FBXO31: variants seen among roughly 807,000 people sequenced by gnomAD.
FBXO31 encodes the protein F-box only protein 31.
Under a neutral mutation model 54.4 loss-of-function variants are expected in FBXO31, and 24 were observed. The ratio of observed to expected loss-of-function variants is 0.44; its 90% CI spans 0.32 to 0.62. The LOEUF (loss-of-function observed/expected upper bound fraction) is 0.62. FBXO31 is among the 20% of genes least tolerant of loss of function. The pLI, the probability that FBXO31 is intolerant of heterozygous loss-of-function variation, is 0.05. For synonymous variants in FBXO31, 388 were observed against 335.6 expected (o/e 1.16, Z -1.71); for missense variants, 665 against 787.1 (o/e 0.84, Z 1.86).
rs973748310 is a variant in FBXO31, at chr16:87,346,175, G to T, written c.489+999C>A. Among the ~76,000 whole-genome samples the T allele has an allele frequency of 5.3e-5, 8 of 152,184 alleles. No homozygotes were observed. Among genetic ancestry groups the T allele is most frequent in the African/African-American group, 1.7e-4 (7 of 41,450 alleles). On this transcript the variant is annotated intron_variant, in intron 3 of 8. Transcript: ENST00000311635. This position sits in a 1 kb window ranked among gnomAD's most constrained non-coding sequence, Gnocchi z 4.2. ...AGGAGAGAGACCCGGAATGAGAACG[G>T]GACGCTTCCCCAAGCCTGAGACGCG... is the stretch of plus-strand genomic sequence containing the variant.
At position 87,327,093 on chromosome 16, in the gene FBXO31, G is replaced by A. The variant is rs1409604958; in HGVS notation, c.*4195C>T. On this transcript the variant is annotated 3_prime_UTR_variant, in exon 9 of 9. Coordinates refer to ENST00000311635, the MANE Select transcript of FBXO31 (RefSeq NM_024735.5). ...GTCCTACCTAGTGGGTGCCTACCCA[G>A]GCAGGGCACAGCTCCTGCTGCAAGG... is the stretch of plus-strand genomic sequence containing the variant. The A allele has an allele frequency of 6.6e-6, 1 of 152,376 alleles. No homozygotes were observed. The highest frequency in any genetic ancestry group is 6.5e-5 in the Admixed American group (1 of 15,286). 9.4% of individuals were successfully genotyped at this position (152,376 alleles called of 1,614,324 possible). A position where few individuals can be genotyped will look rare whatever the true frequency, so the allele number is the denominator to read the frequency against.
rs1396468550 is a variant in FBXO31, at chr16:87,330,057, G to A, written c.*1231C>T. 6.6e-6 allele frequency: 1 copy of A among 152,430 alleles called. No homozygotes were observed. Among genetic ancestry groups the A allele is most frequent in the Non-Finnish European group, 1.5e-5 (1 of 68,170 alleles). The allele number at this position is 152,430 out of a possible 1,614,324, so 9.4% of individuals were successfully genotyped here. A position where few individuals can be genotyped will look rare whatever the true frequency, so the allele number is the denominator to read the frequency against. ...GACACAAGGACAAGCGGCAGAGAGG[G>A]AAGGCTCGCTGGGGACGCCCACTCG... On this transcript the variant is annotated 3_prime_UTR_variant, in exon 9 of 9. Coordinates refer to ENST00000311635, the MANE Select transcript of FBXO31 (RefSeq NM_024735.5).
chr16:87,331,222 T>G lies in FBXO31; in HGVS notation c.*66A>C, dbSNP rs1450709813. 1.3e-6 allele frequency: 2 copies of G among 1,515,764 alleles called. No individual in the cohort carries two copies. Among genetic ancestry groups the G allele is most frequent in the East Asian group, 4.6e-5 (2 of 43,858 alleles). The allele number at this position is 1,515,764 out of a possible 1,614,324, so 93.9% of individuals were successfully genotyped here. A position where few individuals can be genotyped will look rare whatever the true frequency, so the allele number is the denominator to read the frequency against. ...CCGGATTTCCAAAGTGCATGCTGCT[T>G]CTATTCACAGGTCAGAGTTCAGAGC... On this transcript the variant is annotated 3_prime_UTR_variant, in exon 9 of 9. Coordinates refer to ENST00000311635, the MANE Select transcript of FBXO31 (RefSeq NM_024735.5).
At chr16:87,373,611 C>T (rs552022422) in intron 1 of FBXO31, among the ~76,000 whole-genome samples, 1 of 152,020 alleles carries the variant, frequency 6.6e-6, no homozygotes, top group East Asian at 1.9e-4. Context: ...TCACTGCAGC[C>T]TTGAACTCCT....
In FBXO31 at chr16:87,358,987, C is replaced by T. The variant is rs1478044863; in HGVS notation, c.412+1308G>A. Among the ~76,000 whole-genome samples the T allele has an allele frequency of 6.6e-6, 1 of 152,188 alleles. No individual in the cohort carries two copies. The highest frequency in any genetic ancestry group is 2.4e-5 in the African/African-American group (1 of 41,458). The stretch of plus-strand genomic sequence containing the variant: ...TCCAAGGTTGCCCAACTACACCACC[C>T]GTTTCTGGAGCTAAGGCTGATTTTC... On this transcript the variant is annotated intron_variant, in intron 2 of 8. Transcript: ENST00000311635. The surrounding 1 kb of genome is among the most constrained non-coding windows in gnomAD (Gnocchi z 4.0).
upstream of FBXO31, among the ~76,000 whole-genome samples, chr16:87,387,749 G>A (rs1330125577): frequency 1.3e-5 from 2 of 152,218 alleles, no homozygotes; most frequent in Non-Finnish European, 2.9e-5. Context: ...GGAGCTTGCA[G>A]TGAGCCGAGA....
upstream of FBXO31, among the ~76,000 whole-genome samples, chr16:87,388,049 G>A (rs1370027440): frequency 1.3e-5 from 2 of 152,214 alleles, no homozygotes; most frequent in Admixed American, 1.3e-4. Context: ...AAACACAGCA[G>A]TCCTACAGAA....
intron 3 of FBXO31, among the ~76,000 whole-genome samples, chr16:87,344,331 G>A (rs557036606): frequency 1.4e-4 from 21 of 152,370 alleles, no homozygotes; most frequent in South Asian, 4.1e-4. Context: ...CGGGAGGGGC[G>A]CTCAGGAGCG....
At chr16:87,374,507 G>A (rs1906739561) in intron 1 of FBXO31, among the ~76,000 whole-genome samples, 2 of 152,202 alleles carry the variant, frequency 1.3e-5, no homozygotes, top group South Asian at 2.1e-4. Flanking sequence ...CTGAATGTGT[G>A]TCACTCTCAT....
At chr16:87,378,984 T>G in intron 1 of FBXO31, among the ~76,000 whole-genome samples, 1 of 150,192 alleles carries the variant, frequency 6.7e-6, no homozygotes, top group East Asian at 2.0e-4. Context: ...AAACAAAATA[T>G]ATAGATATAG....
intron 2 of FBXO31, among the ~76,000 whole-genome samples, chr16:87,354,715 C>T (rs886197430): frequency 7.9e-5 from 12 of 152,228 alleles, no homozygotes; most frequent in Admixed American, 6.5e-4. Flanking sequence ...CACCTGTAAT[C>T]CCAGCACTTT....
At chr16:87,390,106 C>A (rs1907471142), upstream of FBXO31, among the ~76,000 whole-genome samples, 1 of 152,150 alleles carries the variant, frequency 6.6e-6, no homozygotes, top group Non-Finnish European at 1.5e-5. Context: ...CATGGTGACA[C>A]CCTCTCTCTA....
upstream of FBXO31, chr16:87,391,872 G>C (rs1463162189): frequency 6.6e-6 from 1 of 152,474 alleles, no homozygotes; most frequent in Non-Finnish European, 1.5e-5. Context: ...GGGTGCCGGC[G>C]TCTCGGGCAG....
chr16:87,354,548 G>A (rs903475190), intron 2 of FBXO31, among the ~76,000 whole-genome samples: 1 of 151,928 alleles, frequency 6.6e-6, no homozygotes, highest in Non-Finnish European at 1.5e-5. Flanking sequence ...CTGCTGTCAG[G>A]ACAACAGGCT....
At chr16:87,341,896 C>T (rs987268387) in intron 5 of FBXO31, among the ~76,000 whole-genome samples, 1 of 152,062 alleles carries the variant, frequency 6.6e-6, no homozygotes, top group Non-Finnish European at 1.5e-5. Context: ...GGGGAAACCA[C>T]CACAACTCAA....
rs1481768587 is a variant in FBXO31, at chr16:87,383,727, G to A, written c.18C>T (p.Arg6=). ...CGCGCGACGGGCCCACGCCGCAAAG[G>A]CGAGCACACACCGCCATGCCGCCCA... MAVCA[R]LCGVGPSRGC... is the part of the protein sequence containing the mutation. Residue 6 remains arginine (R), a synonymous_variant, in exon 1 of 9, where the codon CGC becomes CGT. Coordinates refer to ENST00000311635, the MANE Select transcript of FBXO31 (RefSeq NM_024735.5). The surrounding 1 kb of genome is among the most constrained non-coding windows in gnomAD (Gnocchi z 4.9). 6 of 1,233,448 alleles carry A rather than the reference G, an allele frequency of 4.9e-6. No individual in the cohort carries two copies. The highest frequency in any genetic ancestry group is 6.0e-6 in the Non-Finnish European group (6 of 992,188). The allele number at this position is 1,233,448 out of a possible 1,614,324, so 76.4% of individuals were successfully genotyped here. A position where few individuals can be genotyped will look rare whatever the true frequency, so the allele number is the denominator to read the frequency against.
rs1905339117 is a variant in FBXO31, at chr16:87,345,337, A to AGGGT, written c.490-1576_490-1573dup. Among the ~76,000 whole-genome samples the AGGGT allele has an allele frequency of 1.8e-4, 1 of 5,428 alleles. No individual in the cohort carries two copies. Among genetic ancestry groups the AGGGT allele is most frequent in the Non-Finnish European group, 3.5e-4 (1 of 2,818 alleles). The allele number at this position is 5,428 out of a possible 152,430, so 3.6% of individuals were successfully genotyped here. A position where few individuals can be genotyped will look rare whatever the true frequency, so the allele number is the denominator to read the frequency against. ...GGAGGGTGCGGGGAGGGCGGGAGGC[A>AGGGT]GGGTGGGAGGGAGGGAGGGGAAGAG... is the stretch of plus-strand genomic sequence containing the variant. On this transcript the variant is annotated intron_variant, in intron 3 of 8. Transcript: ENST00000311635. The surrounding 1 kb of genome is among the most constrained non-coding windows in gnomAD (Gnocchi z 4.9).
At chr16:87,348,716 G>A (rs1905508534) in intron 2 of FBXO31, among the ~76,000 whole-genome samples, 1 of 152,184 alleles carries the variant, frequency 6.6e-6, no homozygotes, top group Admixed American at 6.5e-5. Context: ...GACAGAAAGT[G>A]CTGGGAGCCA....
chr16:87,329,114 C>T lies in FBXO31; in HGVS notation c.*2174G>A, dbSNP rs953534437. ...CACATCGGAGCGGAAAAAACAAGACCTGTAGTCACGACTGAAGGGACTGGC... is the reference window on the plus strand; with the variant it reads ...CACATCGGAGCGGAAAAAACAAGACTTGTAGTCACGACTGAAGGGACTGGC... On this transcript the variant is annotated 3_prime_UTR_variant, in exon 9 of 9. Transcript: ENST00000311635. The T allele has an allele frequency of 2.6e-5, 4 of 152,336 alleles. No homozygotes were observed. The highest frequency in any genetic ancestry group is 9.6e-5 in the African/African-American group (4 of 41,468). 9.4% of individuals were successfully genotyped at this position (152,336 alleles called of 1,614,324 possible). A position where few individuals can be genotyped will look rare whatever the true frequency, so the allele number is the denominator to read the frequency against.
Sources: allele counts gnomAD v4.1 joint callset (sites outside exome capture counted in the v4.1 genomes callset), GRCh38; gene constraint gnomAD v4.1.1; non-coding constraint Gnocchi (gnomAD v3.1); transcripts MANE v1.5; gene names NCBI Gene and HGNC (gene_info 2026-07-23, HGNC 2026-07-21).